PARD3: variants seen among roughly 807,000 people sequenced by gnomAD.
PARD3 encodes the protein partitioning defective 3 homolog.
A neutral mutation model predicts 155.4 loss-of-function variants in PARD3; 75 were observed. That is an observed-to-expected ratio of 0.48 (90% CI 0.40 to 0.58). The LOEUF (loss-of-function observed/expected upper bound fraction) is 0.58. Ranked by LOEUF, PARD3 falls within the 20% of genes least tolerant of loss-of-function variation. PARD3 has a pLI of 0.00. For missense variants in PARD3, 1,642 were observed against 1,721.7 expected, an observed-to-expected ratio of 0.95 and a Z score of 0.82; for synonymous variants, 576 against 610.5, an observed-to-expected ratio of 0.94 and a Z score of 0.83.
intron 2 of PARD3, among the ~76,000 whole-genome samples, chr10:34,544,066 G>A (rs182905680): frequency 1.9e-3 from 286 of 152,232 alleles, no homozygotes; most frequent in African/African-American, 6.1e-3. Context: ...AAATCATGAC[G>A]TTAAAAGGAG....
chr10:34,297,196 G>A (rs1263340225), intron 20 of PARD3, among the ~76,000 whole-genome samples: 4 of 152,082 alleles, frequency 2.6e-5, no homozygotes, highest in African/African-American at 4.8e-5. Context: ...CTAGCTACTC[G>A]GGAGGCTTAG....
chr10:34,524,632 C>A (rs2082355715), intron 2 of PARD3, among the ~76,000 whole-genome samples: 1 of 151,162 alleles, frequency 6.6e-6, no homozygotes, highest in Non-Finnish European at 1.5e-5. Flanking sequence ...TAATATAAAC[C>A]CCTCTTGCTC....
At chr10:34,452,990 G>A (rs2077139340) in intron 4 of PARD3, among the ~76,000 whole-genome samples, 1 of 152,248 alleles carries the variant, frequency 6.6e-6, no homozygotes, top group African/African-American at 2.4e-5. Flanking sequence ...AATTTTAACA[G>A]TGGCCTTCTA....
At chr10:34,223,065 T>C (rs1952394273) in intron 22 of PARD3, among the ~76,000 whole-genome samples, 1 of 152,062 alleles carries the variant, frequency 6.6e-6, no homozygotes, top group African/African-American at 2.4e-5. Context: ...AGTCCCACAG[T>C]TGGAAGAGAA....
chr10:34,736,878 T>C (rs1482728857), intron 1 of PARD3, among the ~76,000 whole-genome samples: 4 of 151,952 alleles, frequency 2.6e-5, no homozygotes, highest in South Asian at 2.1e-4. Flanking sequence ...GGTTTCGCCA[T>C]GTTGGCCAGG....
intron 22 of PARD3, among the ~76,000 whole-genome samples, chr10:34,216,183 A>C (rs1951993868): frequency 6.6e-6 from 1 of 152,226 alleles, no homozygotes; most frequent in Admixed American, 6.5e-5. Flanking sequence ...CCTGCTACCC[A>C]GCTCAATATT....
chr10:34,733,409 A>C (rs1221394436), intron 1 of PARD3, among the ~76,000 whole-genome samples: 1 of 152,210 alleles, frequency 6.6e-6, no homozygotes, highest in Non-Finnish European at 1.5e-5. Context: ...TCCAATACAA[A>C]CATAATTCTA....
At chr10:34,655,028 T>C (rs896409469) in intron 2 of PARD3, among the ~76,000 whole-genome samples, 2 of 151,748 alleles carry the variant, frequency 1.3e-5, no homozygotes, top group South Asian at 2.1e-4. Context: ...CCACCCACCA[T>C]TTGCTGAGCA....
At chr10:34,663,182 G>A (rs563849544) in intron 2 of PARD3, among the ~76,000 whole-genome samples, 1 of 152,240 alleles carries the variant, frequency 6.6e-6, no homozygotes, top group Non-Finnish European at 1.5e-5. Context: ...ACTAAAAGAG[G>A]CCAGGTGCAG....
At position 34,111,323 on chromosome 10, in the gene PARD3, C is replaced by T. The variant is rs560986876; in HGVS notation, c.3908G>A (p.Gly1303Glu). 3.0e-5 allele frequency: 49 copies of T among 1,613,970 alleles called. No homozygotes were observed. In the South Asian group the frequency reaches 5.3e-4, roughly 17 times the overall value. The change falls in exon 25 of 25, where the codon GGG becomes GAG. Residue 1303 changes from glycine to glutamate, a missense_variant. Transcript: ENST00000374788. Reference sequence around the variant, plus strand: ...CTTATACGAGTCATAGTTGCTGGGCCCCTCGGAAGGAGGCTGCTTCTTCAT... The same window carrying T: ...CTTATACGAGTCATAGTTGCTGGGCTCCTCGGAAGGAGGCTGCTTCTTCAT... ...QQMKKQPPSEGPSNYDSYKKV... is the reference protein window; with the variant it reads ...QQMKKQPPSEEPSNYDSYKKV...
intron 2 of PARD3, among the ~76,000 whole-genome samples, chr10:34,684,778 T>C (rs868816562): frequency 5.9e-5 from 7 of 119,118 alleles, no homozygotes; most frequent in East Asian, 5.7e-4. Context: ...TGATGATACA[T>C]ACACACACAC....
At chr10:34,334,005 A>G (rs1184270559) in intron 18 of PARD3, among the ~76,000 whole-genome samples, 1 of 151,940 alleles carries the variant, frequency 6.6e-6, no homozygotes, top group South Asian at 2.1e-4. Context: ...ATGAAAATTG[A>G]AAAAGTCTTT....
At chr10:34,727,118 G>C (rs139258341) in intron 1 of PARD3, among the ~76,000 whole-genome samples, 1 of 152,194 alleles carries the variant, frequency 6.6e-6, no homozygotes, top group African/African-American at 2.4e-5. Context: ...CACCCTGTGT[G>C]GTGGGGGATT....
chr10:34,647,883 A>T (rs1264843067), intron 2 of PARD3, among the ~76,000 whole-genome samples: 2 of 152,214 alleles, frequency 1.3e-5, no homozygotes, highest in East Asian at 3.8e-4. Context: ...TGGAGTAGGG[A>T]TATTTAAGTG....
At chr10:34,378,225 T>C in intron 9 of PARD3, 119 bp from the exon 10 acceptor site, 6 of 704,018 alleles carry the variant, frequency 8.5e-6, no homozygotes, top group African/African-American at 1.9e-5. Context: ...ATGGTCCACA[T>C]TTCTTCTACT....
chr10:34,326,108 CAG>C (rs1445562168), intron 19 of PARD3, among the ~76,000 whole-genome samples: 4 of 133,988 alleles, frequency 3.0e-5, no homozygotes, highest in African/African-American at 1.1e-4. Flanking sequence ...GCCTGGGCTA[CAG>C]AGTGACACTC....
intron 1 of PARD3, among the ~76,000 whole-genome samples, chr10:34,751,576 G>A (rs7086123): frequency 0.28 from 42,483 of 151,930 alleles, 6,281 homozygotes; most frequent in East Asian, 0.54. Context: ...AGACACAGAC[G>A]TGGCTTCTGT....
At chr10:34,154,210 A>T (rs1040101505) in intron 22 of PARD3, among the ~76,000 whole-genome samples, 1 of 152,230 alleles carries the variant, frequency 6.6e-6, no homozygotes, top group Non-Finnish European at 1.5e-5. Flanking sequence ...CTACTAAATG[A>T]TCATGTGTAT....
chr10:34,450,639 A>G (rs1018441290), intron 4 of PARD3, among the ~76,000 whole-genome samples, 191 bp from the exon 5 acceptor site: 1 of 152,184 alleles, frequency 6.6e-6, no homozygotes, highest in African/African-American at 2.4e-5. Flanking sequence ...TGTGCCGAGG[A>G]CAGGCAAGTC....
Sources: gnomAD v4.1 joint callset for allele counts (sites outside exome capture counted in the v4.1 genomes callset) on GRCh38, gnomAD v4.1.1 for gene constraint, MANE v1.5 for transcripts, NCBI Gene and HGNC (gene_info 2026-07-23, HGNC 2026-07-21) for gene names.